The following TMEM178A variants were observed in gnomAD, a reference collection of about 807,000 sequenced individuals.
TMEM178A encodes transmembrane protein 178A, also known as transmembrane protein 178.
Under a neutral mutation model 29.1 loss-of-function variants are expected in TMEM178A, and 12 were observed. The ratio of observed to expected loss-of-function variants is 0.41; its 90% CI spans 0.26 to 0.67. TMEM178A has a LOEUF of 0.67. TMEM178A is among the 30% of genes least tolerant of loss of function. The pLI is 0.29. For synonymous variants in TMEM178A, 210 were observed against 187.2 expected, an observed-to-expected ratio of 1.12 and a Z score of -0.99; for missense variants, 366 against 419.1, an observed-to-expected ratio of 0.87 and a Z score of 1.11.
chr2:39,690,216 GC>G (rs1183812793), intron 1 of TMEM178A, among the ~76,000 whole-genome samples: 3 of 152,182 alleles, frequency 2.0e-5, no homozygotes, highest in Non-Finnish European at 4.4e-5. Context: ...CCATCAAGGG[GC>G]CCAACCATGA....
downstream of TMEM178A, among the ~76,000 whole-genome samples, chr2:39,721,229 C>T (rs976444923): frequency 2.0e-5 from 3 of 152,210 alleles, no homozygotes; most frequent in Non-Finnish European, 4.4e-5. Context: ...CTCAGGGCAC[C>T]CAGTTGCATA....
rs77091212 is a variant in TMEM178A, at chr2:39,709,128, C to T, written c.652+1942C>T. Among the ~76,000 whole-genome samples the T allele has an allele frequency of 9.1e-3, 1,388 of 152,320 alleles. 18 individuals carry two copies. Among genetic ancestry groups the T allele is most frequent in the African/African-American group, 0.032 (1,314 of 41,572 alleles). Reference sequence around the variant, plus strand: ...TTAACAGGAGGCAGCCACACCCCACCGGGGCTGACACTGTTTGCTGACTGT... The same window carrying T: ...TTAACAGGAGGCAGCCACACCCCACTGGGGCTGACACTGTTTGCTGACTGT... On this transcript the variant is annotated intron_variant, in intron 3 of 3. Coordinates refer to ENST00000281961, the MANE Select transcript of TMEM178A (RefSeq NM_152390.3).
downstream of TMEM178A, among the ~76,000 whole-genome samples, chr2:39,722,335 A>G (rs1007711412): frequency 5.3e-5 from 8 of 152,160 alleles, no homozygotes; most frequent in South Asian, 4.1e-4. Flanking sequence ...GGAAAAGGGG[A>G]AAAAGAAAAA....
chr2:39,665,875 G>T (rs1213143870), upstream of TMEM178A: 11 of 1,105,842 alleles, frequency 9.9e-6, no homozygotes, highest in African/African-American at 1.7e-5. Context: ...GGGGGCAGGT[G>T]GGGGGAAGAG....
chr2:39,667,704 G>T (rs1213743650), intron 1 of TMEM178A, among the ~76,000 whole-genome samples: 3 of 152,184 alleles, frequency 2.0e-5, no homozygotes, highest in African/African-American at 7.2e-5. Flanking sequence ...AACTCAGCTG[G>T]GGACTGCCAT....
Position 39,669,416 on chromosome 2 carries a change from T to C in TMEM178A, c.400+3042T>C, listed in dbSNP as rs1033156645. Among the ~76,000 whole-genome samples the C allele has an allele frequency of 7.9e-5, 12 of 152,180 alleles. No individual in the cohort carries two copies. In the East Asian group the frequency reaches 2.3e-3, roughly 29 times the overall value. On this transcript the variant is annotated intron_variant, in intron 1 of 3. Transcript: ENST00000281961. The stretch of plus-strand genomic sequence containing the variant: ...ACATGCAATGTGGGCAATAAGAGAT[T>C]AATTTAGAAATATGCAAGGCTCTAT...
At chr2:39,724,740 C>T in the TMEM178A span, among the ~76,000 whole-genome samples, 1 of 152,186 alleles carries the variant, frequency 6.6e-6, no homozygotes, top group African/African-American at 2.4e-5. Flanking sequence ...TCTTTGACAG[C>T]AGAGGAACAG....
At chr2:39,675,925 A>G (rs1670604521) in intron 1 of TMEM178A, among the ~76,000 whole-genome samples, 1 of 151,218 alleles carries the variant, frequency 6.6e-6, no homozygotes, top group Non-Finnish European at 1.5e-5. Context: ...GATTACAGGC[A>G]TGCTCTACCA....
intron 1 of TMEM178A, among the ~76,000 whole-genome samples, chr2:39,676,687 G>A (rs1670639779): frequency 6.6e-6 from 1 of 152,152 alleles, no homozygotes; most frequent in Admixed American, 6.5e-5. Flanking sequence ...ACAAAATCTG[G>A]CTTTGGTCAG....
intron 1 of TMEM178A, among the ~76,000 whole-genome samples, chr2:39,676,532 C>T (rs1305475280): frequency 1.3e-5 from 2 of 152,198 alleles, no homozygotes; most frequent in African/African-American, 4.8e-5. Flanking sequence ...GTCTCATTGG[C>T]TAGAATTATG....
downstream of TMEM178A, among the ~76,000 whole-genome samples, chr2:39,718,786 G>A (rs1039740463): frequency 7.9e-5 from 12 of 151,964 alleles, no homozygotes; most frequent in Admixed American, 4.6e-4. Context: ...GGCACTCGCC[G>A]ACTTCTAAGC....
Position 39,703,187 on chromosome 2 carries a change from AGTTT to A in TMEM178A, c.401-893_401-890del, listed in dbSNP as rs548279956. Among the ~76,000 whole-genome samples, 513 of 152,352 alleles carry A rather than the reference AGTTT, an allele frequency of 3.4e-3. 4 individuals carry two copies. Among genetic ancestry groups the A allele is most frequent in the African/African-American group, 0.012 (486 of 41,586 alleles). ...ATTCGCTCATGCCTTTAAAAAAATT[AGTTT>A]AATCAGATTGCATTTATCCAAACAA... On this transcript the variant is annotated intron_variant, in intron 1 of 3. Transcript: ENST00000281961.
chr2:39,682,959 C>A (rs568054836), intron 1 of TMEM178A, among the ~76,000 whole-genome samples: 1 of 152,270 alleles, frequency 6.6e-6, no homozygotes, highest in South Asian at 2.1e-4. Context: ...AACATGACAG[C>A]CCATTACCAC....
At chr2:39,702,798 G>A (rs1671847809) in intron 1 of TMEM178A, among the ~76,000 whole-genome samples, 1 of 152,028 alleles carries the variant, frequency 6.6e-6, no homozygotes, top group African/African-American at 2.4e-5. Flanking sequence ...GGGAGATTCA[G>A]AGACTACCTG....
At chr2:39,729,724 C>T in the TMEM178A span, among the ~76,000 whole-genome samples, 2 of 152,126 alleles carry the variant, frequency 1.3e-5, no homozygotes, top group Admixed American at 1.3e-4. Flanking sequence ...TTAAACTATG[C>T]GATGGAAGTC....
the TMEM178A span, among the ~76,000 whole-genome samples, chr2:39,735,090 C>T: frequency 6.6e-6 from 1 of 152,298 alleles, no homozygotes; most frequent in South Asian, 2.1e-4. Flanking sequence ...GTGACATCAC[C>T]TATTCAAAAC....
chr2:39,687,331 A>G (rs1237515288), intron 1 of TMEM178A: 1 of 166,858 alleles, frequency 6.0e-6, no homozygotes, highest in Non-Finnish European at 1.5e-5. Context: ...AACTGTGGGG[A>G]TGGGCCCCCT....
At chr2:39,709,539 A>C (rs1224107565) in intron 3 of TMEM178A, among the ~76,000 whole-genome samples, 1 of 152,166 alleles carries the variant, frequency 6.6e-6, no homozygotes. Context: ...ATGCATTTAA[A>C]ATCCAAATTA....
chr2:39,717,287 T>C lies in TMEM178A; in HGVS notation c.*36T>C, dbSNP rs1191572637. The C allele has an allele frequency of 6.2e-7, 1 of 1,602,160 alleles. No individual in the cohort carries two copies. The highest frequency in any genetic ancestry group is 2.2e-5 in the East Asian group (1 of 44,672). On this transcript the variant is annotated 3_prime_UTR_variant, in exon 4 of 4. Transcript: ENST00000281961. ...TGGGCCTGTCCACAGTGCGAGCGACTCCTGAGGGGAACAGCGCGGAGTTCA... is the reference window on the plus strand; with the variant it reads ...TGGGCCTGTCCACAGTGCGAGCGACCCCTGAGGGGAACAGCGCGGAGTTCA...
Sources: gnomAD v4.1 joint callset for allele counts (sites outside exome capture counted in the v4.1 genomes callset) on GRCh38, gnomAD v4.1.1 for gene constraint, MANE v1.5 for transcripts, NCBI Gene and HGNC (gene_info 2026-07-23, HGNC 2026-07-21) for gene names.